RASIP1: variants seen among roughly 807,000 people sequenced by gnomAD.
The protein encoded by RASIP1 is Ras interacting protein 1, also known as ras-interacting protein 1.
A neutral mutation model predicts 85.3 loss-of-function variants in RASIP1; 20 were observed. That is an observed-to-expected ratio of 0.23 (90% confidence interval 0.17 to 0.34). RASIP1 has a LOEUF of 0.34. RASIP1 is among the 10% of genes least tolerant of loss of function. RASIP1 has a pLI of 1.00. For synonymous variants in RASIP1, 617 were observed against 647.1 expected (o/e 0.95, Z 0.71); for missense variants, 1,170 against 1,390.9 (o/e 0.84, Z 2.53).
chr19:48,734,551 G>A (rs1318677036), intron 4 of RASIP1, among the ~76,000 whole-genome samples: 10 of 147,930 alleles, frequency 6.8e-5, no homozygotes, highest in Admixed American at 2.0e-4. Flanking sequence ...GCAATGGAAC[G>A]ATCTTGGCTC....
At chr19:48,725,107 G>A (rs549015921) in intron 8 of RASIP1, 147 bp from the exon 9 acceptor site, 12 of 909,068 alleles carry the variant, frequency 1.3e-5, no homozygotes, top group Admixed American at 5.7e-5. Flanking sequence ...AAGGGTCTCC[G>A]TGAGCAAATC....
intron 3 of RASIP1, chr19:48,737,344 T>C (rs1055412614): frequency 2.2e-6 from 1 of 452,910 alleles, no homozygotes; most frequent in Admixed American, 6.4e-5. Context: ...GAAGCTCAGA[T>C]ACAGAAAAGC....
intron 11 of RASIP1, 34 bp from the exon 12 acceptor site, chr19:48,721,031 AAAGTGG>A: frequency 6.5e-7 from 1 of 1,529,424 alleles, no homozygotes; most frequent in Non-Finnish European, 8.8e-7. Context: ...TTAGAGTCTG[AAAGTGG>A]GAGTGAGGTA....
rs78847565 is a variant in RASIP1, at chr19:48,735,094, G to A, written c.1179+102C>T. ...GACCACGCCCCACTAGAGTACTTGA[G>A]GCTAGCGCGCCCCGGGCCTTCTGGG... is the stretch of plus-strand genomic sequence containing the variant. On this transcript the variant is annotated intron_variant, in intron 4 of 11. Transcript: ENST00000222145. 2,838 of 1,115,366 alleles carry A rather than the reference G, an allele frequency of 2.5e-3. 68 individuals carry two copies. The African/African-American group carries it at 0.041, about 16-fold the overall frequency. 69.1% of individuals were successfully genotyped at this position (1,115,366 alleles called of 1,614,324 possible). A position where few individuals can be genotyped will look rare whatever the true frequency, so the allele number is the denominator to read the frequency against.
At chr19:48,722,141 G>C in intron 10 of RASIP1, 140 bp from the exon 11 acceptor site, 1 of 801,524 alleles carries the variant, frequency 1.2e-6, no homozygotes, top group South Asian at 3.5e-5. Flanking sequence ...TGTGAAGTCT[G>C]TTTATCACCA....
chr19:48,734,117 A>G (rs895572537), intron 4 of RASIP1, among the ~76,000 whole-genome samples: 3 of 151,704 alleles, frequency 2.0e-5, no homozygotes, highest in African/African-American at 7.3e-5. Flanking sequence ...AAACGGTGAA[A>G]CCTCATCTCT....
At chr19:48,728,365 T>G (rs2033378857) in intron 5 of RASIP1, among the ~76,000 whole-genome samples, 1 of 152,176 alleles carries the variant, frequency 6.6e-6, no homozygotes, top group Non-Finnish European at 1.5e-5. Flanking sequence ...GGTTTCTTCC[T>G]AAGGTGAGTT....
chr19:48,738,898 GC>G lies in RASIP1; in HGVS notation c.823+61del, dbSNP rs2033619687. 3.2e-6 allele frequency: 1 copy of G among 313,012 alleles called. No individual in the cohort carries two copies. The highest frequency in any genetic ancestry group is 3.8e-6 in the Non-Finnish European group (1 of 264,754). The allele number at this position is 313,012 out of a possible 1,614,324, so 19.4% of individuals were successfully genotyped here. A position where few individuals can be genotyped will look rare whatever the true frequency, so the allele number is the denominator to read the frequency against. ...GTCCCACAAGCCCCGCCCAGGCCCC[GC>G]CCCACGGACCCCGCCTCTCTGGCAC... is the stretch of plus-strand genomic sequence containing the variant. On this transcript the variant is annotated intron_variant, in intron 3 of 11. Transcript: ENST00000222145. The surrounding 1 kb of genome is among the most constrained non-coding windows in gnomAD (Gnocchi z 4.0).
Position 48,739,425 on chromosome 19 carries a change from T to C in RASIP1, c.358A>G (p.Ser120Gly). The C allele has an allele frequency of 7.1e-7, 1 of 1,409,596 alleles. No homozygotes were observed. Among genetic ancestry groups the C allele is most frequent in the South Asian group, 1.5e-5 (1 of 68,768 alleles). 87.3% of individuals were successfully genotyped at this position (1,409,596 alleles called of 1,614,324 possible). A position where few individuals can be genotyped will look rare whatever the true frequency, so the allele number is the denominator to read the frequency against. Residue 120 changes from serine to glycine, a missense_variant, in exon 3 of 12, where the codon AGC (serine) becomes GGC (glycine). Physicochemically the swap from Ser to Gly is moderately conservative, Grantham distance 56. Coordinates refer to ENST00000222145, the MANE Select transcript of RASIP1 (RefSeq NM_017805.3). This position sits in a 1 kb window ranked among gnomAD's most constrained non-coding sequence, Gnocchi z 9.2. ...GCCAGCTCCGGCAGCTTCTTCTCGC[T>C]GGCCCAGCGCTGCGCGCCCCCCGGG... ...GTPGGAQRWA[S>G]EKKLPELAAG...
In RASIP1 at chr19:48,735,563, T is replaced by C. The variant is rs1568482339; in HGVS notation, c.824-12A>G. ...AGGGGCGCCGGTGCCTGCGGAGAGA[T>C]GGAGAACAGTGAGGCTGAGCCTGGA... On this transcript the variant is annotated splice_polypyrimidine_tract_variant and intron_variant, in intron 3 of 11. Coordinates refer to ENST00000222145, the MANE Select transcript of RASIP1 (RefSeq NM_017805.3). The C allele has an allele frequency of 1.3e-6, 2 of 1,518,290 alleles. No homozygotes were observed. Among genetic ancestry groups the C allele is most frequent in the Non-Finnish European group, 1.8e-6 (2 of 1,131,946 alleles). 94.1% of individuals were successfully genotyped at this position (1,518,290 alleles called of 1,614,324 possible).
At chr19:48,737,983 C>G (rs1198245809) in intron 3 of RASIP1, 45 of 977,202 alleles carry the variant, frequency 4.6e-5, no homozygotes, top group Non-Finnish European at 5.5e-5. Context: ...CTCGCTCTGT[C>G]CCCCAGGCTG....
rs1314129640 is a variant in RASIP1 at position 48,739,458 on chromosome 19, G to A, written c.325C>T (p.Pro109Ser). 16 of 1,468,932 alleles carry A rather than the reference G, an allele frequency of 1.1e-5. No individual in the cohort carries two copies. The Admixed American group carries it at 3.8e-4, about 35-fold the overall frequency. 91.0% of individuals were successfully genotyped at this position (1,468,932 alleles called of 1,614,324 possible). ...GTTGSSGAGG[P>S]GTPGGAQRWA... The stretch of plus-strand genomic sequence containing the variant: ...CGCTGCGCGCCCCCCGGGGTCCCAG[G>A]GCCTCCTGCGCCGCTGGACCCCGTG... Residue 109 changes from proline (P) to serine (S), a missense_variant, in exon 3 of 12, where the codon CCT becomes TCT. Physicochemically the swap from Pro to Ser is moderately conservative, Grantham distance 74 (BLOSUM62 -1). Transcript: ENST00000222145. This position sits in a 1 kb window ranked among gnomAD's most constrained non-coding sequence, Gnocchi z 9.2.
Position 48,724,472 on chromosome 19 carries a change from A to G in RASIP1, c.2409T>C (p.Val803=), listed in dbSNP as rs766686617. Residue 803 remains valine, a synonymous_variant, in exon 10 of 12, where the codon GTT becomes GTC. Transcript: ENST00000222145. The surrounding 1 kb of genome is among the most constrained non-coding windows in gnomAD (Gnocchi z 4.6). ...CGAGGTCCAGGTTGGTTCGGATTTGAACAGCTCGGGACCATTGATAGAAAG... is the reference window on the plus strand; with the variant it reads ...CGAGGTCCAGGTTGGTTCGGATTTGGACAGCTCGGGACCATTGATAGAAAG... The part of the protein sequence containing the change: ...GRPFYQWSRA[V]QIRTNLDLVL... The G allele has an allele frequency of 1.2e-6, 2 of 1,614,034 alleles. No homozygotes were observed. The highest frequency in any genetic ancestry group is 2.7e-5 in the African/African-American group (2 of 74,916).
intron 4 of RASIP1, among the ~76,000 whole-genome samples, chr19:48,730,963 G>A (rs2033445966): frequency 6.6e-6 from 1 of 152,054 alleles, no homozygotes; most frequent in South Asian, 2.1e-4. Context: ...GTTGCAATGA[G>A]CCAAGATCAG....
rs1215263537 is a variant in RASIP1, at chr19:48,735,210, A to T, written c.1165T>A (p.Tyr389Asn). Residue 389 changes from tyrosine to asparagine, a missense_variant, in exon 4 of 12, where the codon TAC becomes AAC. Tyr to Asn is a moderately radical substitution (Grantham distance 143). Coordinates refer to ENST00000222145, the MANE Select transcript of RASIP1 (RefSeq NM_017805.3). ...NRPYFLLLQG[Y>N]QDAQDFVVYV... ...GCGGCGGTTACCTGGGCGTCCTGGT[A>T]GCCCTGGAGCAGCAGGAAGTAGGGG... 2.2e-5 allele frequency: 36 copies of T among 1,609,920 alleles called. No homozygotes were observed. The Admixed American group carries it at 5.7e-4, about 25-fold the overall frequency.
intron 3 of RASIP1, 144 bp from the exon 4 acceptor site, chr19:48,735,695 C>CA: frequency 2.5e-6 from 2 of 792,228 alleles, no homozygotes; most frequent in African/African-American, 1.7e-5. Flanking sequence ...TATTCTGTTC[C>CA]CTGTGCGTGG....
chr19:48,735,823 T>G (rs1198497434), intron 3 of RASIP1, among the ~76,000 whole-genome samples: 1 of 151,732 alleles, frequency 6.6e-6, no homozygotes, highest in African/African-American at 2.4e-5. Flanking sequence ...CAATACGTAG[T>G]CTCGCTCTGT....
At chr19:48,730,004 C>T (rs1309195722) in intron 4 of RASIP1, among the ~76,000 whole-genome samples, 9 of 151,888 alleles carry the variant, frequency 5.9e-5, no homozygotes, top group Non-Finnish European at 8.8e-5. Context: ...CGTGAACTAT[C>T]GCGCCCGGCC....
At position 48,739,582 on chromosome 19, in the gene RASIP1, C is replaced by A; in HGVS notation, c.201G>T (p.Val67=). 6.7e-7 allele frequency: 1 copy of A among 1,491,500 alleles called. No homozygotes were observed. Among genetic ancestry groups the A allele is most frequent in the Non-Finnish European group, 8.9e-7 (1 of 1,124,088 alleles). 92.4% of individuals were successfully genotyped at this position (1,491,500 alleles called of 1,614,324 possible). A position where few individuals can be genotyped will look rare whatever the true frequency, so the allele number is the denominator to read the frequency against. Residue 67 remains valine, a synonymous_variant, in exon 3 of 12, where the codon GTG becomes GTT. Transcript: ENST00000222145. The surrounding 1 kb of genome is among the most constrained non-coding windows in gnomAD (Gnocchi z 9.2). ...SEPLPPPPPH[V]ELRRVGAVKA... ...TGACAGCGCCCACTCGCCGCAGCTC[C>A]ACGTGCGGCGGGGGCGGAGGTAGCG...
Sources: gnomAD v4.1 joint callset for allele counts (sites outside exome capture counted in the v4.1 genomes callset) on GRCh38, gnomAD v4.1.1 for gene constraint, Gnocchi (gnomAD v3.1) non-coding constraint, MANE v1.5 for transcripts, NCBI Gene and HGNC (gene_info 2026-07-23, HGNC 2026-07-21) for gene names.